GTF3C1: variants seen among roughly 807,000 people sequenced by gnomAD.
GTF3C1 encodes the protein general transcription factor IIIC subunit 1.
GTF3C1 carries 57 observed loss-of-function variants against 226.7 expected under a neutral mutation model. That is an observed-to-expected ratio of 0.25 (90% CI 0.20 to 0.31). The LOEUF (loss-of-function observed/expected upper bound fraction) is 0.31, where lower values mean the gene tolerates loss of function less well. Ranked by LOEUF, GTF3C1 falls within the 10% of genes least tolerant of loss-of-function variation. The probability of loss-of-function intolerance (pLI) is 1.00; values close to 1 mark genes in which losing one functional copy is unlikely to be tolerated. For missense variants in GTF3C1, 2,217 were observed against 2,776.1 expected (o/e 0.80, Z 4.53); for synonymous variants, 1,090 against 1,084.8 (o/e 1.00, Z -0.09).
At chr16:27,534,189 G>A (rs1033609525) in intron 4 of GTF3C1, among the ~76,000 whole-genome samples, 2 of 152,210 alleles carry the variant, frequency 1.3e-5, no homozygotes, top group South Asian at 2.1e-4. Flanking sequence ...CTACACTGGC[G>A]TGGCAGAGCC....
At chr16:27,495,686 C>G (rs1045699702) in intron 14 of GTF3C1, among the ~76,000 whole-genome samples, 194 bp from the exon 15 acceptor site, 1 of 152,176 alleles carries the variant, frequency 6.6e-6, no homozygotes, top group Non-Finnish European at 1.5e-5. Flanking sequence ...GCCCATCAGA[C>G]GAAAACAGCT....
chr16:27,549,605 C>T lies in GTF3C1; in HGVS notation c.221+65G>A. The T allele has an allele frequency of 3.7e-6, 3 of 810,798 alleles. No individual in the cohort carries two copies. The East Asian group carries it at 8.0e-5, about 22-fold the overall frequency. The allele number at this position is 810,798 out of a possible 1,614,324, so 50.2% of individuals were successfully genotyped here. A position where few individuals can be genotyped will look rare whatever the true frequency, so the allele number is the denominator to read the frequency against. On this transcript the variant is annotated intron_variant, in intron 1 of 36. Transcript: ENST00000356183. ...CCACTCCATTCCCCCGCCCTGCCCCCAGCTCCATCAGCCCCCGGGCCCTGC... is the reference window on the plus strand; with the variant it reads ...CCACTCCATTCCCCCGCCCTGCCCCTAGCTCCATCAGCCCCCGGGCCCTGC...
At position 27,463,913 on chromosome 16, in the gene GTF3C1, C is replaced by A; in HGVS notation, c.5873-321G>T. On this transcript the variant is annotated intron_variant, in intron 34 of 36. Transcript: ENST00000356183. This position sits in a 1 kb window ranked among gnomAD's most constrained non-coding sequence, Gnocchi z 4.9. ...TGGTATAAAACCCGAGGCAAAAACA[C>A]CCCAAAGAAAACAAAAACGCCCAGA... 1 of 430,888 alleles carries A rather than the reference C, an allele frequency of 2.3e-6. No individual in the cohort carries two copies. The highest frequency in any genetic ancestry group is 3.5e-5 in the South Asian group (1 of 28,804). 26.7% of individuals were successfully genotyped at this position (430,888 alleles called of 1,614,324 possible). A position where few individuals can be genotyped will look rare whatever the true frequency, so the allele number is the denominator to read the frequency against.
intron 7 of GTF3C1, among the ~76,000 whole-genome samples, chr16:27,509,922 C>A (rs2088547954): frequency 6.6e-6 from 1 of 152,144 alleles, no homozygotes; most frequent in East Asian, 1.9e-4. Context: ...GGATGTGTTC[C>A]TATACTGATC....
Position 27,505,013 on chromosome 16 carries a change from G to A in GTF3C1, c.1770+886C>T, listed in dbSNP as rs74601584. Among the ~76,000 whole-genome samples, 1,012 of 152,148 alleles carry A rather than the reference G, an allele frequency of 6.7e-3. 44 individuals are homozygous for A. The East Asian group carries it at 0.11, about 16-fold the overall frequency. ...CCACCCGAGACCATGCATCTACTCCGTGCTAGGTGCCTCGTTCTCTACTCA... is the reference window on the plus strand; with the variant it reads ...CCACCCGAGACCATGCATCTACTCCATGCTAGGTGCCTCGTTCTCTACTCA... On this transcript the variant is annotated intron_variant, in intron 10 of 36. Coordinates refer to ENST00000356183, the MANE Select transcript of GTF3C1 (RefSeq NM_001520.4).
rs1054748235 is a variant in GTF3C1 at position 27,470,608 on chromosome 16, C to T, written c.4527-213G>A. ...CTTCCCCGCTTGCCTGAGTACCTTC[C>T]GGGCAGAGTCCTGTCTCCTCATCTA... On this transcript the variant is annotated intron_variant, in intron 30 of 36. Coordinates refer to ENST00000356183, the MANE Select transcript of GTF3C1 (RefSeq NM_001520.4). The surrounding 1 kb of genome is among the most constrained non-coding windows in gnomAD (Gnocchi z 4.9). 2.5e-4 allele frequency: 141 copies of T among 560,582 alleles called. 3 individuals carry two copies. In the South Asian group the frequency reaches 2.6e-3, roughly 10 times the overall value. The allele number at this position is 560,582 out of a possible 1,614,324, so 34.7% of individuals were successfully genotyped here. A position where few individuals can be genotyped will look rare whatever the true frequency, so the allele number is the denominator to read the frequency against.
At chr16:27,549,135 G>A (rs1481547803) in intron 1 of GTF3C1, among the ~76,000 whole-genome samples, 1 of 152,090 alleles carries the variant, frequency 6.6e-6, no homozygotes, top group African/African-American at 2.4e-5. Flanking sequence ...TCCAGCCTGG[G>A]CCACAGAGAG....
rs763363848 is a variant in GTF3C1, at chr16:27,538,194, G to A, written c.594C>T (p.His198=). 6.4e-6 allele frequency: 10 copies of A among 1,573,588 alleles called. No individual in the cohort carries two copies. The highest frequency in any genetic ancestry group is 3.5e-5 in the South Asian group (3 of 85,594). Residue 198 remains histidine, a synonymous_variant, in exon 3 of 37, where the codon CAC becomes CAT. Coordinates refer to ENST00000356183, the MANE Select transcript of GTF3C1 (RefSeq NM_001520.4). ...CCCCCACTTACTTGAAAGCAGTGGT[G>A]TGAAGGTCTCGCTGGAGCTCCCCTT... ...RWQGELQRDL[H]TTAFKVDAGK...
At chr16:27,476,627 T>C (rs945708731) in intron 28 of GTF3C1, 83 bp from the exon 29 acceptor site, 1 of 768,894 alleles carries the variant, frequency 1.3e-6, no homozygotes, top group Non-Finnish European at 2.3e-6. Flanking sequence ...GGAAAAAAAC[T>C]TGAATCTCAC....
chr16:27,488,708 C>G (rs754575674), intron 21 of GTF3C1, 73 bp from the exon 22 acceptor site: 1 of 1,277,868 alleles, frequency 7.8e-7, no homozygotes, highest in East Asian at 2.3e-5. Context: ...GTAACAAATG[C>G]ACCGAGGTCT....
At chr16:27,504,416 T>C (rs766384994) in intron 10 of GTF3C1, among the ~76,000 whole-genome samples, 15 of 151,998 alleles carry the variant, frequency 9.9e-5, no homozygotes, top group Non-Finnish European at 4.4e-5. Context: ...CCATAGAGAG[T>C]TGTGGCATCC....
At chr16:27,473,006 T>C (rs1308848040) in intron 29 of GTF3C1, among the ~76,000 whole-genome samples, 1 of 152,148 alleles carries the variant, frequency 6.6e-6, no homozygotes, top group Admixed American at 6.5e-5. Context: ...AGCCTCGACC[T>C]CCTGGCTCAA....
chr16:27,469,455 G>A lies in GTF3C1; in HGVS notation c.4910C>T (p.Pro1637Leu). Reference sequence around the variant, plus strand: ...GTAGTTGGTGTGGGAGGCTTGCGCAGGTTTCACCTCCATGCTCCGGCGCTT... The same window carrying A: ...GTAGTTGGTGTGGGAGGCTTGCGCAAGTTTCACCTCCATGCTCCGGCGCTT... ...GGKRRSMEVK[P>L]AQASHTNYLL... The change falls in exon 32 of 37, where the codon CCT becomes CTT. Residue 1637 changes from proline to leucine, a missense_variant. Transcript: ENST00000356183. This position sits in a 1 kb window ranked among gnomAD's most constrained non-coding sequence, Gnocchi z 4.5. 6.2e-7 allele frequency: 1 copy of A among 1,614,194 alleles called. No homozygotes were observed. Among genetic ancestry groups the A allele is most frequent in the Non-Finnish European group, 8.5e-7 (1 of 1,180,026 alleles).
chr16:27,521,475 G>T (rs2088748594), intron 6 of GTF3C1, among the ~76,000 whole-genome samples: 1 of 152,224 alleles, frequency 6.6e-6, no homozygotes, highest in African/African-American at 2.4e-5. Context: ...GCTGAGGGAG[G>T]CCAAAGGCTC....
intron 7 of GTF3C1, 147 bp downstream of exon 7, chr16:27,511,602 T>G: frequency 2.7e-6 from 2 of 747,772 alleles, no homozygotes; most frequent in Non-Finnish European, 4.2e-6. Context: ...AATCTGACCT[T>G]GAAGCCTAAA....
chr16:27,482,429 C>T (rs1218830319), intron 26 of GTF3C1: 1 of 455,266 alleles, frequency 2.2e-6, no homozygotes, highest in Non-Finnish European at 4.4e-6. Flanking sequence ...TCCCTGACCT[C>T]TGTGGGCCTG....
Position 27,471,616 on chromosome 16 carries a change from C to A in GTF3C1, c.4526+132G>T. The A allele has an allele frequency of 2.8e-6, 2 of 703,750 alleles. No individual in the cohort carries two copies. The highest frequency in any genetic ancestry group is 4.9e-6 in the Non-Finnish European group (2 of 404,162). 43.6% of individuals were successfully genotyped at this position (703,750 alleles called of 1,614,324 possible). ...AGGGGCTGCAGGAAACCCAAGCCGG[C>A]ATCTTGCACATGAGGCTGCGAAGGT... is the stretch of plus-strand genomic sequence containing the variant. On this transcript the variant is annotated intron_variant, in intron 30 of 36. Transcript: ENST00000356183. This position sits in a 1 kb window ranked among gnomAD's most constrained non-coding sequence, Gnocchi z 5.0.
At chr16:27,481,983 T>C (rs2088055915) in intron 26 of GTF3C1, among the ~76,000 whole-genome samples, 1 of 152,140 alleles carries the variant, frequency 6.6e-6, no homozygotes, top group Admixed American at 6.5e-5. Flanking sequence ...CCCAGTCTCC[T>C]AGGATACACC....
At chr16:27,510,355 G>A (rs913070391) in intron 7 of GTF3C1, among the ~76,000 whole-genome samples, 6 of 151,266 alleles carry the variant, frequency 4.0e-5, no homozygotes, top group East Asian at 2.0e-4. Context: ...CACTGCACTC[G>A]AGCATGGGCG....
Sources: allele counts gnomAD v4.1 joint callset (sites outside exome capture counted in the v4.1 genomes callset), GRCh38; gene constraint gnomAD v4.1.1; non-coding constraint Gnocchi (gnomAD v3.1); transcripts MANE v1.5; gene names NCBI Gene and HGNC (gene_info 2026-07-23, HGNC 2026-07-21).